Variants in CNNM1 observed in about 807,000 individuals in gnomAD.
CNNM1 encodes metal transporter CNNM1.
CNNM1 carries 44 observed loss-of-function variants against 78.8 expected under a neutral mutation model. The ratio of observed to expected loss-of-function variants is 0.56; its 90% CI spans 0.44 to 0.72. The LOEUF is 0.72. CNNM1 is among the 30% of genes least tolerant of loss of function. The pLI, the probability that CNNM1 is intolerant of heterozygous loss-of-function variation, is 0.00. For synonymous variants in CNNM1, 584 were observed against 581.5 expected, an observed-to-expected ratio of 1.00 and a Z score of -0.06; for missense variants, 1,101 against 1,292.2, an observed-to-expected ratio of 0.85 and a Z score of 2.27.
chr10:99,364,274 GGAGA>G (rs2134053342), intron 4 of CNNM1, 139 bp from the exon 5 acceptor site: 1 of 605,340 alleles, frequency 1.7e-6, no homozygotes, highest in African/African-American at 1.9e-5. Flanking sequence ...ATGTAAATCT[GGAGA>G]GAATTAACAT....
rs2032471801 is a variant in CNNM1, at chr10:99,391,516, A to G, written c.2856A>G (p.Ter952TrpextTer68). ...CCAATTTAACACCTCTGATCACATG[A>G]CAGGGCAAAGCCAGCATTCACTGGG... ...DNSNLTPLIT[*>W] The change falls in exon 11 of 11, where the codon TGA becomes TGG. Residue 952 changes from the stop codon to tryptophan, a stop_lost. Transcript: ENST00000356713. 8.1e-6 allele frequency: 13 copies of G among 1,613,344 alleles called. No individual in the cohort carries two copies. Among genetic ancestry groups the G allele is most frequent in the Non-Finnish European group, 1.1e-5 (13 of 1,179,356 alleles).
rs777717999 is a variant in CNNM1, at chr10:99,368,704, G to T, written c.2176+3702G>T. The T allele has an allele frequency of 7.0e-6, 9 of 1,287,846 alleles. No homozygotes were observed. In the African/African-American group the frequency reaches 1.4e-4, roughly 20 times the overall value. 79.8% of individuals were successfully genotyped at this position (1,287,846 alleles called of 1,614,324 possible). On this transcript the variant is annotated intron_variant, in intron 6 of 10. Coordinates refer to ENST00000356713, the MANE Select transcript of CNNM1 (RefSeq NM_020348.3). ...AGGTAAACATGCATGGGTGTCTCGG[G>T]TCTCTGTAGATCCAGAGGGGTTTGC...
At chr10:99,377,838 A>G (rs1406158894) in intron 7 of CNNM1, among the ~76,000 whole-genome samples, 1 of 152,314 alleles carries the variant, frequency 6.6e-6, no homozygotes, top group Admixed American at 6.5e-5. Context: ...GGAGAGAGGT[A>G]GCAAAAGGCT....
At chr10:99,367,296 G>A (rs943638982) in intron 6 of CNNM1, among the ~76,000 whole-genome samples, 3 of 152,274 alleles carry the variant, frequency 2.0e-5, no homozygotes, top group South Asian at 4.2e-4. Flanking sequence ...AGCCTTTGAG[G>A]ATGAGGAGTG....
At chr10:99,378,492 C>T (rs2032046757) in intron 7 of CNNM1, among the ~76,000 whole-genome samples, 1 of 152,192 alleles carries the variant, frequency 6.6e-6, no homozygotes, top group Non-Finnish European at 1.5e-5. Context: ...GGCCGGTTTT[C>T]TGTGTTTCAG....
chr10:99,370,658 G>A (rs572355098), intron 6 of CNNM1, among the ~76,000 whole-genome samples: 2 of 152,228 alleles, frequency 1.3e-5, no homozygotes, highest in East Asian at 1.9e-4. Flanking sequence ...TTCAGTGCTC[G>A]ATCGTCCATT....
rs1850599034 is a variant in CNNM1, at chr10:99,330,773, T to C, written c.1386T>C (p.Thr462=). Residue 462 remains threonine (T), a synonymous_variant, in exon 1 of 11, where the codon ACT becomes ACC. Coordinates refer to ENST00000356713, the MANE Select transcript of CNNM1 (RefSeq NM_020348.3). The part of the protein sequence containing the change: ...TVSEILRSGY[T]RIPVYEGDQR... ...CCGAGATCCTGCGCAGCGGCTACAC[T>C]CGCATCCCAGTGTACGAGGGTGACC... is the stretch of plus-strand genomic sequence containing the variant. 1 of 1,613,928 alleles carries C rather than the reference T, an allele frequency of 6.2e-7. No individual in the cohort carries two copies. Among genetic ancestry groups the C allele is most frequent in the Admixed American group, 1.7e-5 (1 of 59,994 alleles).
In CNNM1 at chr10:99,391,980, C is replaced by G. The variant is rs2032485540; in HGVS notation, c.*464C>G. On this transcript the variant is annotated 3_prime_UTR_variant, in exon 11 of 11. Coordinates refer to ENST00000356713, the MANE Select transcript of CNNM1 (RefSeq NM_020348.3). ...TCAGAAGGTGCCATTGGCAGACAGG[C>G]ACATGGGAGGCTGGAGTAGGAGGTC... The G allele has an allele frequency of 6.3e-6, 1 of 157,730 alleles. No individual in the cohort carries two copies. Among genetic ancestry groups the G allele is most frequent in the South Asian group, 1.9e-4 (1 of 5,380 alleles). The allele number at this position is 157,730 out of a possible 1,614,324, so 9.8% of individuals were successfully genotyped here.
intron 1 of CNNM1, among the ~76,000 whole-genome samples, chr10:99,331,902 A>G (rs1201938818): frequency 6.6e-6 from 1 of 152,216 alleles, no homozygotes; most frequent in Non-Finnish European, 1.5e-5. Flanking sequence ...CCTTCAGCGC[A>G]GTCACCATCT....
intron 3 of CNNM1, among the ~76,000 whole-genome samples, chr10:99,361,628 AT>A (rs1317998601): frequency 6.6e-6 from 1 of 152,198 alleles, no homozygotes; most frequent in African/African-American, 2.4e-5. Context: ...TTAAGATAGA[AT>A]TTCTAGTTCT....
chr10:99,337,885 C>A (rs1176589598), intron 1 of CNNM1, among the ~76,000 whole-genome samples: 1 of 152,188 alleles, frequency 6.6e-6, no homozygotes, highest in Admixed American at 6.5e-5. Flanking sequence ...TTGGACTATG[C>A]AGCAGAACAA....
At chr10:99,358,030 A>G (rs2031285878) in intron 2 of CNNM1, among the ~76,000 whole-genome samples, 1 of 152,186 alleles carries the variant, frequency 6.6e-6, no homozygotes, top group African/African-American at 2.4e-5. Context: ...TCATCCACCT[A>G]GATGCAGACC....
At chr10:99,368,617 G>C in intron 6 of CNNM1, 2 of 1,289,520 alleles carry the variant, frequency 1.6e-6, no homozygotes, top group Non-Finnish European at 1.0e-6. Flanking sequence ...TGACTCTTTA[G>C]TGCCTGTCTC....
chr10:99,368,809 C>T lies in CNNM1; in HGVS notation c.2176+3807C>T, dbSNP rs79957825. 6.8e-3 allele frequency: 3,601 copies of T among 529,150 alleles called. 89 individuals carry two copies. The highest frequency in any genetic ancestry group is 0.065 in the African/African-American group (3,285 of 50,904). The allele number at this position is 529,150 out of a possible 1,614,324, so 32.8% of individuals were successfully genotyped here. On this transcript the variant is annotated intron_variant, in intron 6 of 10. Coordinates refer to ENST00000356713, the MANE Select transcript of CNNM1 (RefSeq NM_020348.3). ...GCACTCCTGTGACTAAGGCATAGCA[C>T]TTTGCACAAATAGCACTCATTTGCA...
chr10:99,356,593 AAAGAAAGAAAGAAAAG>A (rs1564947306), intron 1 of CNNM1, among the ~76,000 whole-genome samples: 6 of 134,316 alleles, frequency 4.5e-5, no homozygotes, highest in Admixed American at 1.4e-4. Flanking sequence ...AGAAAGAAAG[AAAGAAAGAAAGAAAAG>A]AAAGAAAGAA....
chr10:99,329,725 C>T lies in CNNM1; in HGVS notation c.338C>T (p.Pro113Leu). The change falls in exon 1 of 11, where the codon CCG becomes CTG. Residue 113 changes from proline (P) to leucine (L), a missense_variant. By Grantham distance (98) the Pro-to-Leu change is moderately conservative (BLOSUM62 -3). Coordinates refer to ENST00000356713, the MANE Select transcript of CNNM1 (RefSeq NM_020348.3). Reference protein sequence around the residue: ...APRLVFIEEPPGGGGVAPSAV... With the variant: ...APRLVFIEEPLGGGGVAPSAV... ...CGGCTCGTGTTCATCGAGGAGCCCC[C>T]GGGCGGTGGCGGCGTGGCCCCCAGC... 1 of 1,517,406 alleles carries T rather than the reference C, an allele frequency of 6.6e-7. No homozygotes were observed. The allele number at this position is 1,517,406 out of a possible 1,614,324, so 94.0% of individuals were successfully genotyped here. A position where few individuals can be genotyped will look rare whatever the true frequency, so the allele number is the denominator to read the frequency against.
chr10:99,384,722 T>G (rs2134079907), intron 7 of CNNM1, among the ~76,000 whole-genome samples: 1 of 152,306 alleles, frequency 6.6e-6, no homozygotes, highest in South Asian at 2.1e-4. Flanking sequence ...GGGTTAGAGT[T>G]CCTGGATCCT....
rs545711928 is a variant in CNNM1, at chr10:99,394,083, T to C, written c.*2567T>C. The C allele has an allele frequency of 1.6e-4, 25 of 152,562 alleles. No individual in the cohort carries two copies. Among genetic ancestry groups the C allele is most frequent in the African/African-American group, 5.8e-4 (24 of 41,516 alleles). 9.5% of individuals were successfully genotyped at this position (152,562 alleles called of 1,614,324 possible). On this transcript the variant is annotated 3_prime_UTR_variant, in exon 11 of 11. Coordinates refer to ENST00000356713, the MANE Select transcript of CNNM1 (RefSeq NM_020348.3). ...GCCCAGCTGACCACTGGCCCCGGGGTGCCTGCCTGGCTGGTCTTCATCACC... is the reference window on the plus strand; with the variant it reads ...GCCCAGCTGACCACTGGCCCCGGGGCGCCTGCCTGGCTGGTCTTCATCACC...
Position 99,329,417 on chromosome 10 carries a change from G to A in CNNM1, c.30G>A (p.Ala10=). 1 of 965,644 alleles carries A rather than the reference G, an allele frequency of 1.0e-6. No individual in the cohort carries two copies. Among genetic ancestry groups the A allele is most frequent in the Non-Finnish European group, 1.5e-6 (1 of 677,484 alleles). The allele number at this position is 965,644 out of a possible 1,614,324, so 59.8% of individuals were successfully genotyped here. A position where few individuals can be genotyped will look rare whatever the true frequency, so the allele number is the denominator to read the frequency against. Reference sequence around the variant, plus strand: ...CGGCGGCCGCGGCGGCGGCAGCAGCGGTGGGTGTCAGGCTCCGGGACTGCT... The same window carrying A: ...CGGCGGCCGCGGCGGCGGCAGCAGCAGTGGGTGTCAGGCTCCGGGACTGCT... MAAAAAAAA[A]VGVRLRDCCS... The change falls in exon 1 of 11, where the codon GCG becomes GCA. Residue 10 remains alanine (A), a synonymous_variant. Transcript: ENST00000356713.
Sources: allele counts gnomAD v4.1 joint callset (sites outside exome capture counted in the v4.1 genomes callset), GRCh38; gene constraint gnomAD v4.1.1; transcripts MANE v1.5; gene names NCBI Gene and HGNC (gene_info 2026-07-23, HGNC 2026-07-21).